Variants in OVGP1 observed in about 807,000 individuals in gnomAD.
OVGP1 encodes oviduct-specific glycoprotein.
A neutral mutation model predicts 48.2 loss-of-function variants in OVGP1; 26 were observed. That is an observed-to-expected ratio of 0.54 (90% CI 0.40 to 0.75). The LOEUF is 0.75. OVGP1 is among the 30% of genes least tolerant of loss of function. The pLI is 0.00. For synonymous variants in OVGP1, 294 were observed against 305.7 expected, an observed-to-expected ratio of 0.96 and a Z score of 0.40; for missense variants, 791 against 820.6, an observed-to-expected ratio of 0.96 and a Z score of 0.44.
intron 5 of OVGP1, 67 bp downstream of exon 5, chr1:111,423,476 T>G: frequency 6.5e-7 from 1 of 1,526,872 alleles, no homozygotes; most frequent in African/African-American, 1.4e-5. Flanking sequence ...GCTCTTCTCC[T>G]GCCATAAGCC....
chr1:111,422,971 G>A lies in OVGP1; in HGVS notation c.564C>T (p.Val188=). The change falls in exon 6 of 11, where the codon GTC becomes GTT. Residue 188 remains valine (V), a synonymous_variant. Transcript: ENST00000369732. ...CATAGGATGTTTGGACGATGTGTGG[G>A]ACCCCAGAAACAGCAGCAGACAGCA... The part of the protein sequence containing the change: ...RLLLSAAVSG[V]PHIVQTSYDV... The A allele has an allele frequency of 6.2e-7, 1 of 1,614,152 alleles. No individual in the cohort carries two copies. Among genetic ancestry groups the A allele is most frequent in the South Asian group, 1.1e-5 (1 of 91,078 alleles).
At position 111,421,644 on chromosome 1, in the gene OVGP1, T is replaced by C. The variant is rs984869864; in HGVS notation, c.638A>G (p.Tyr213Cys). 2 of 1,611,470 alleles carry C rather than the reference T, an allele frequency of 1.2e-6. No homozygotes were observed. The highest frequency in any genetic ancestry group is 2.7e-5 in the African/African-American group (2 of 74,876). ...RLLDFINVLS[Y>C]DLHGSWERFT... ...CCTTTCCCAACTTCCATGTAAGTCA[T>C]AAGACAAGACATTGATGAAATCCAG... Residue 213 changes from tyrosine to cysteine, a missense_variant, in exon 7 of 11, where the codon TAT (tyrosine) becomes TGT (cysteine). Transcript: ENST00000369732.
Position 111,415,176 on chromosome 1 carries a change from A to G in OVGP1, c.1325T>C (p.Met442Thr). The change falls in exon 11 of 11, where the codon ATG becomes ACG. Residue 442 changes from methionine to threonine, a missense_variant. Physicochemically the swap from Met to Thr is moderately conservative, Grantham distance 81. Transcript: ENST00000369732. ...AGTTGTACCTCTAGGGGTTATAGTC[A>G]TATTTTCACACTTTCCGTGGATCTC... ...VTEIHGKCEN[M>T]TITPRGTTVT... is the part of the protein sequence containing the mutation. The G allele has an allele frequency of 6.2e-7, 1 of 1,614,138 alleles. No individual in the cohort carries two copies.
chr1:111,423,984 G>A (rs534855984), intron 4 of OVGP1, among the ~76,000 whole-genome samples: 2 of 152,234 alleles, frequency 1.3e-5, no homozygotes, highest in African/African-American at 2.4e-5. Context: ...ACAGAACCAA[G>A]CATGCAGCCT....
chr1:111,419,528 C>G, intron 9 of OVGP1, 82 bp downstream of exon 9: 1 of 815,130 alleles, frequency 1.2e-6, no homozygotes, highest in Non-Finnish European at 2.2e-6. Context: ...ACCCAATACA[C>G]ATACATGCAT....
At chr1:111,419,575 C>T in intron 9 of OVGP1, 35 bp downstream of exon 9, 1 of 1,242,454 alleles carries the variant, frequency 8.0e-7, no homozygotes, top group South Asian at 1.2e-5. Flanking sequence ...CGGTAGGAAA[C>T]CATGTGCTGG....
intron 2 of OVGP1, 44 bp from the exon 3 acceptor site, chr1:111,426,685 G>C (rs2275795): frequency 0.32 from 504,960 of 1,592,636 alleles, 82,354 homozygotes; most frequent in South Asian, 0.4. Flanking sequence ...ACCAAGGGAG[G>C]GGATGGAGCT....
At chr1:111,418,755 G>C (rs973000207) in intron 9 of OVGP1, among the ~76,000 whole-genome samples, 15 of 152,180 alleles carry the variant, frequency 9.9e-5, no homozygotes, top group Non-Finnish European at 1.5e-4. Flanking sequence ...GCATTTGGAA[G>C]GATCATATAT....
In OVGP1 at chr1:111,421,342, G is replaced by A. The variant is rs113321118; in HGVS notation, c.837C>T (p.Ala279=). The A allele has an allele frequency of 1.7e-4, 270 of 1,614,082 alleles. 1 individual carries two copies. In the African/African-American group the frequency reaches 2.6e-3, roughly 15 times the overall value. Residue 279 remains alanine (A), a synonymous_variant, in exon 8 of 11, where the codon GCC becomes GCT. Coordinates refer to ENST00000369732, the MANE Select transcript of OVGP1 (RefSeq NM_002557.4). The part of the protein sequence containing the change: ...LLKASKNGLQ[A]RAIGPASPGK... ...CTGGAGATGCTGGTCCGATCGCTCT[G>A]GCCTGCAACCCATTCTTAGAGGCTT...
At position 111,414,661 on chromosome 1, in the gene OVGP1, T is replaced by C; in HGVS notation, c.1840A>G (p.Met614Val). The change falls in exon 11 of 11, where the codon ATG becomes GTG. Residue 614 changes from methionine to valine, a missense_variant. Met to Val is a conservative substitution (Grantham distance 21). Coordinates refer to ENST00000369732, the MANE Select transcript of OVGP1 (RefSeq NM_002557.4). The stretch of plus-strand genomic sequence containing the variant: ...AGCATCATCCTGTTTTCAGCTTCCA[T>C]CTGAAGACCCAAGTTACCCATCCTG... The part of the protein sequence containing the change: ...HPRMGNLGLQ[M>V]EAENRMMLSS... 1.2e-6 allele frequency: 2 copies of C among 1,614,162 alleles called. No individual in the cohort carries two copies. The highest frequency in any genetic ancestry group is 1.7e-6 in the Non-Finnish European group (2 of 1,179,998).
At chr1:111,423,136 T>A in intron 5 of OVGP1, 85 bp from the exon 6 acceptor site, 2 of 1,544,802 alleles carry the variant, frequency 1.3e-6, no homozygotes, top group Non-Finnish European at 1.8e-6. Flanking sequence ...AAGCATTTAC[T>A]GAGCTCCTGA....
chr1:111,415,481 C>G (rs1652111215), intron 10 of OVGP1, 137 bp from the exon 11 acceptor site: 1 of 738,264 alleles, frequency 1.4e-6, no homozygotes. Flanking sequence ...CATACTATAC[C>G]TACTTGAGGA....
At chr1:111,416,848 T>A (rs573249828) in intron 9 of OVGP1, among the ~76,000 whole-genome samples, 1 of 152,280 alleles carries the variant, frequency 6.6e-6, no homozygotes, top group East Asian at 1.9e-4. Context: ...GTAGTCAAAT[T>A]CACAGAAACA....
At chr1:111,425,627 G>C (rs1652380453) in intron 3 of OVGP1, 188 bp from the exon 4 acceptor site, 7 of 1,130,556 alleles carry the variant, frequency 6.2e-6, no homozygotes, top group Admixed American at 4.7e-5. Context: ...GAAAGACAGA[G>C]AGAACAATCA....
In OVGP1 at chr1:111,425,429, G is replaced by C. The variant is rs1451711857; in HGVS notation, c.271C>G (p.Leu91Val). The C allele has an allele frequency of 6.2e-7, 1 of 1,614,128 alleles. No individual in the cohort carries two copies. The highest frequency in any genetic ancestry group is 1.1e-5 in the South Asian group (1 of 91,078). ...FNKLKERNRE[L>V]KTLLSIGGWN... ...CCGCCGATGGACAGTAGTGTTTTCA[G>C]CTCTCTGTTCCTATGATGTGAGAGA... The change falls in exon 4 of 11, where the codon CTG becomes GTG. Residue 91 changes from leucine to valine, a missense_variant. Coordinates refer to ENST00000369732, the MANE Select transcript of OVGP1 (RefSeq NM_002557.4).
chr1:111,423,747 A>G, intron 4 of OVGP1, 39 bp from the exon 5 acceptor site: 3 of 1,593,720 alleles, frequency 1.9e-6, no homozygotes, highest in Non-Finnish European at 2.6e-6. Context: ...AACTCTATCC[A>G]CAGAATCACA....
intron 4 of OVGP1, among the ~76,000 whole-genome samples, chr1:111,424,785 C>T (rs1341394140): frequency 1.3e-5 from 2 of 152,132 alleles, no homozygotes; most frequent in Non-Finnish European, 2.9e-5. Flanking sequence ...GCCTTTAAGG[C>T]AACAAGGCAA....
At chr1:111,422,460 G>A (rs558437465) in intron 6 of OVGP1, among the ~76,000 whole-genome samples, 4 of 152,326 alleles carry the variant, frequency 2.6e-5, no homozygotes, top group African/African-American at 9.6e-5. Context: ...GCTGCTCTTT[G>A]TCTAGCTTTT....
chr1:111,425,276 C>A lies in OVGP1; in HGVS notation c.317+107G>T. ...GATTCATGAGTTGGGGAAGTATTTG[C>A]GCTAGCTTTGCTGTCCGCATGGCCA... On this transcript the variant is annotated intron_variant, in intron 4 of 10. Coordinates refer to ENST00000369732, the MANE Select transcript of OVGP1 (RefSeq NM_002557.4). 5 of 1,266,592 alleles carry A rather than the reference C, an allele frequency of 3.9e-6. No homozygotes were observed. The South Asian group carries it at 5.6e-5, about 14-fold the overall frequency. 78.5% of individuals were successfully genotyped at this position (1,266,592 alleles called of 1,614,324 possible).
Sources: allele counts gnomAD v4.1 joint callset (sites outside exome capture counted in the v4.1 genomes callset), GRCh38; gene constraint gnomAD v4.1.1; transcripts MANE v1.5; gene names NCBI Gene and HGNC (gene_info 2026-07-23, HGNC 2026-07-21).